Variants in UBN2 observed in about 807,000 individuals in gnomAD.
UBN2 encodes the protein ubinuclein 2.
A neutral mutation model predicts 120.2 loss-of-function variants in UBN2; 35 were observed. The observed-to-expected ratio is 0.29, with a 90% confidence interval of 0.22 to 0.39. The LOEUF (loss-of-function observed/expected upper bound fraction) is 0.39, where lower values mean the gene tolerates loss of function less well. Ranked by LOEUF, UBN2 falls within the 10% of genes least tolerant of loss-of-function variation. The probability of loss-of-function intolerance (pLI) is 1.00; values close to 1 mark genes in which losing one functional copy is unlikely to be tolerated. For synonymous variants in UBN2, 661 were observed against 648.7 expected, an observed-to-expected ratio of 1.02 and a Z score of -0.29; for missense variants, 1,693 against 1,663.2, an observed-to-expected ratio of 1.02 and a Z score of -0.31.
In UBN2 at chr7:139,299,787, T is replaced by A. The variant is rs879306047; in HGVS notation, c.*1951T>A. 7.2e-5 allele frequency: 11 copies of A among 152,170 alleles called. No individual in the cohort carries two copies. The highest frequency in any genetic ancestry group is 1.5e-4 in the Non-Finnish European group (10 of 68,018). The allele number at this position is 152,170 out of a possible 1,614,324, so 9.4% of individuals were successfully genotyped here. A position where few individuals can be genotyped will look rare whatever the true frequency, so the allele number is the denominator to read the frequency against. On this transcript the variant is annotated 3_prime_UTR_variant, in exon 18 of 18. Transcript: ENST00000473989. Reference sequence around the variant, plus strand: ...ATTAAGGAAGCTTGCCCAATTTTTTTAATTTTTTCAAATGTAGTGGACCTC... The same window carrying A: ...ATTAAGGAAGCTTGCCCAATTTTTTAAATTTTTTCAAATGTAGTGGACCTC...
chr7:139,231,976 C>A (rs1302102929), intron 1 of UBN2, 24 bp downstream of exon 1: 1 of 1,566,818 alleles, frequency 6.4e-7, no homozygotes, highest in Admixed American at 1.7e-5. Context: ...TTCCCTCCTG[C>A]CCCAGACCCC....
At chr7:139,270,293 A>G (rs958150947) in intron 8 of UBN2, among the ~76,000 whole-genome samples, 18 of 124,162 alleles carry the variant, frequency 1.4e-4, no homozygotes, top group Non-Finnish European at 1.3e-4. Flanking sequence ...TTTTTTTGTG[A>G]CAGAGTCTCG....
At chr7:139,262,638 T>C (rs1249504554) in intron 6 of UBN2, among the ~76,000 whole-genome samples, 4 of 148,654 alleles carry the variant, frequency 2.7e-5, no homozygotes, top group African/African-American at 1.0e-4. Context: ...TGCTTGAACC[T>C]GGGAGGCAGA....
At chr7:139,325,261 C>CTTTT in the UBN2 span, among the ~76,000 whole-genome samples, 53 of 90,854 alleles carry the variant, frequency 5.8e-4, no homozygotes, top group Non-Finnish European at 7.5e-4. Flanking sequence ...GAAATCACTG[C>CTTTT]TTTTTTTTTT....
chr7:139,279,858 T>G (rs1322646959), intron 13 of UBN2, among the ~76,000 whole-genome samples: 1 of 152,210 alleles, frequency 6.6e-6, no homozygotes, highest in Admixed American at 6.5e-5. Flanking sequence ...AGCTGGACCT[T>G]CAAACAATAA....
At chr7:139,238,517 G>A (rs750432909) in intron 2 of UBN2, among the ~76,000 whole-genome samples, 3 of 152,086 alleles carry the variant, frequency 2.0e-5, no homozygotes, top group Non-Finnish European at 4.4e-5. Context: ...TCCACCTCCT[G>A]GGTTCAAGCA....
intron 2 of UBN2, among the ~76,000 whole-genome samples, chr7:139,245,081 G>T (rs539056900): frequency 6.9e-6 from 1 of 145,318 alleles, no homozygotes; most frequent in South Asian, 2.2e-4. Context: ...CTACAGGCAC[G>T]CATCACCATG....
At position 139,284,027 on chromosome 7, in the gene UBN2, C is replaced by A. The variant is rs760943227; in HGVS notation, c.3122C>A (p.Ala1041Glu). ...FSMAASPKLA[A>E]SPKPATSPKP... is the part of the protein sequence containing the mutation. ...ATGGCTGCCTCCCCAAAACTTGCCGCATCTCCCAAGCCTGCCACATCTCCT... is the reference window on the plus strand; with the variant it reads ...ATGGCTGCCTCCCCAAAACTTGCCGAATCTCCCAAGCCTGCCACATCTCCT... The change falls in exon 15 of 18, where the codon GCA becomes GAA. Residue 1041 changes from alanine to glutamate, a missense_variant. This residue lies in a region of UBN2 where 837 missense variants were observed against 817.6 expected (regional missense o/e 1.02). Transcript: ENST00000473989. 1.1e-5 allele frequency: 17 copies of A among 1,613,998 alleles called. No individual in the cohort carries two copies. The highest frequency in any genetic ancestry group is 2.7e-5 in the African/African-American group (2 of 74,916).
At chr7:139,232,211 T>C (rs1438558458) in intron 1 of UBN2, among the ~76,000 whole-genome samples, 1 of 152,230 alleles carries the variant, frequency 6.6e-6, no homozygotes, top group South Asian at 2.1e-4. Context: ...GCCGAGCTCG[T>C]TTTCTTGTGC....
At chr7:139,329,228 T>A in the UBN2 span, among the ~76,000 whole-genome samples, 1 of 151,982 alleles carries the variant, frequency 6.6e-6, no homozygotes, top group South Asian at 2.1e-4. Context: ...TGTTTCTTCT[T>A]TTCTTACAGG....
intron 15 of UBN2, among the ~76,000 whole-genome samples, chr7:139,285,328 G>A (rs374884264): frequency 3.9e-5 from 6 of 151,962 alleles, no homozygotes; most frequent in Admixed American, 1.3e-4. Context: ...GTGACAGAGC[G>A]AAACTTCATC....
rs1485721124 is a variant in UBN2, at chr7:139,307,004, G to A, written c.*9168G>A. 6.6e-6 allele frequency: 1 copy of A among 152,194 alleles called. No homozygotes were observed. Among genetic ancestry groups the A allele is most frequent in the African/African-American group, 2.4e-5 (1 of 41,442 alleles). The allele number at this position is 152,194 out of a possible 1,614,324, so 9.4% of individuals were successfully genotyped here. ...TTAGTCTGGGTAAACACATACTTCG[G>A]TGTGAATTTTGATAAGGGAAAGACT... On this transcript the variant is annotated 3_prime_UTR_variant, in exon 18 of 18. Transcript: ENST00000473989.
rs1473689667 is a variant in UBN2 at position 139,299,725 on chromosome 7, GAA to G, written c.*1890_*1891del. 6.6e-6 allele frequency: 1 copy of G among 152,146 alleles called. No homozygotes were observed. The highest frequency in any genetic ancestry group is 2.4e-5 in the African/African-American group (1 of 41,428). The allele number at this position is 152,146 out of a possible 1,614,324, so 9.4% of individuals were successfully genotyped here. ...AGGATGTTGCAGAGAGGTTTGACTTGAATTCAGTATGTTTGATGAAGATTTGC... is the reference window on the plus strand; with the variant it reads ...AGGATGTTGCAGAGAGGTTTGACTTGTTCAGTATGTTTGATGAAGATTTGC... On this transcript the variant is annotated 3_prime_UTR_variant, in exon 18 of 18. Coordinates refer to ENST00000473989, the MANE Select transcript of UBN2 (RefSeq NM_173569.4).
chr7:139,316,273 T>C, the UBN2 span, among the ~76,000 whole-genome samples: 45 of 152,078 alleles, frequency 3.0e-4, 1 homozygote, highest in South Asian at 8.7e-3. Context: ...TAGTAAGTTC[T>C]TAGTATTTTA....
intron 2 of UBN2, among the ~76,000 whole-genome samples, chr7:139,238,648 C>T (rs1413494688): frequency 6.6e-6 from 1 of 152,196 alleles, no homozygotes; most frequent in Non-Finnish European, 1.5e-5. Context: ...TCTCGAACTC[C>T]TGACCTCAAC....
rs375572667 is a variant in UBN2 at position 139,283,783 on chromosome 7, A to G, written c.2878A>G (p.Asn960Asp). The G allele has an allele frequency of 6.2e-6, 10 of 1,613,812 alleles. No homozygotes were observed. The highest frequency in any genetic ancestry group is 1.1e-5 in the South Asian group (1 of 91,088). The change falls in exon 15 of 18, where the codon AAT (asparagine) becomes GAT (aspartate). Residue 960 changes from asparagine (N) to aspartate (D), a missense_variant. This residue lies in a region of UBN2 where 837 missense variants were observed against 817.6 expected (regional missense o/e 1.02). Transcript: ENST00000473989. ...GACCAACCCCGTCGTGAAGTTAAGT[A>G]ATAATCCCCAACTCTCCTGTTCCTC... Reference protein sequence around the residue: ...SQTNPVVKLSNNPQLSCSSSL... With the variant: ...SQTNPVVKLSDNPQLSCSSSL...
At chr7:139,244,262 TC>T (rs1234792315) in intron 2 of UBN2, among the ~76,000 whole-genome samples, 15 of 152,156 alleles carry the variant, frequency 9.9e-5, no homozygotes, top group Non-Finnish European at 1.8e-4. Flanking sequence ...CACCTGTAAG[TC>T]CACTGCCAGG....
At chr7:139,267,842 T>C (rs1438342943) in intron 7 of UBN2, among the ~76,000 whole-genome samples, 2 of 152,196 alleles carry the variant, frequency 1.3e-5, no homozygotes, top group African/African-American at 4.8e-5. Flanking sequence ...ATGGAGTCTT[T>C]TCTGCGTGGC....
At chr7:139,267,901 C>T (rs1254738476) in intron 7 of UBN2, among the ~76,000 whole-genome samples, 1 of 152,218 alleles carries the variant, frequency 6.6e-6, no homozygotes, top group Non-Finnish European at 1.5e-5. Context: ...ACCTAGCTCC[C>T]TTTAAAACCC....
Sources: gnomAD v4.1 joint callset for allele counts (sites outside exome capture counted in the v4.1 genomes callset) on GRCh38, gnomAD v4.1.1 for gene constraint, gnomAD v4.1.1 regional missense constraint, MANE v1.5 for transcripts, NCBI Gene and HGNC (gene_info 2026-07-23, HGNC 2026-07-21) for gene names.